Variants in LRCH3 observed in about 807,000 individuals in gnomAD.
LRCH3 encodes the protein leucine rich repeats and calponin homology domain containing 3, also known as DISP complex protein LRCH3.
LRCH3 carries 68 observed loss-of-function variants against 104.5 expected under a neutral mutation model. The observed-to-expected ratio is 0.65, with a 90% confidence interval of 0.54 to 0.80. The LOEUF is 0.80. Among genes scored for constraint, LRCH3 ranks in the 30% least tolerant of loss-of-function variants. The probability of loss-of-function intolerance (pLI) is 0.00; values close to 1 mark genes in which losing one functional copy is unlikely to be tolerated. For synonymous variants in LRCH3, 344 were observed against 361.3 expected, an observed-to-expected ratio of 0.95 and a Z score of 0.54; for missense variants, 951 against 953.9, an observed-to-expected ratio of 1.00 and a Z score of 0.04.
intron 14 of LRCH3, among the ~76,000 whole-genome samples, chr3:197,857,520 C>G (rs905994039): frequency 9.2e-5 from 14 of 151,880 alleles, no homozygotes; most frequent in African/African-American, 3.1e-4. Flanking sequence ...TCTCTTCAGG[C>G]TACCCCTCAA....
chr3:197,825,464 ATTTTTTTTTTTTT>A lies in LRCH3; in HGVS notation c.641-1393_641-1381del, dbSNP rs58237989. On this transcript the variant is annotated intron_variant, in intron 4 of 20. Coordinates refer to ENST00000425562, the MANE Select transcript of LRCH3 (RefSeq NM_001365715.1). Reference sequence around the variant, plus strand: ...TAGACCTCTTTGTTGATCCTCTTTGATTTTTTTTTTTTTTTTTTTTTTTTTTTTTTTTTGAGAC... The same window carrying A: ...TAGACCTCTTTGTTGATCCTCTTTGATTTTTTTTTTTTTTTTTTTTGAGAC... 9.9e-3 allele frequency among the ~76,000 whole-genome samples: 198 copies of A among 20,042 alleles called. 2 individuals are homozygous for A. The highest frequency in any genetic ancestry group is 0.033 in the African/African-American group (179 of 5,406). 13.1% of individuals were successfully genotyped at this position (20,042 alleles called of 152,430 possible). A position where few individuals can be genotyped will look rare whatever the true frequency, so the allele number is the denominator to read the frequency against.
chr3:197,866,342 G>A, intron 17 of LRCH3, 123 bp downstream of exon 17: 1 of 671,558 alleles, frequency 1.5e-6, no homozygotes, highest in East Asian at 2.7e-5. Flanking sequence ...CTCGGCAAAA[G>A]CATGTGTCTG....
intron 20 of LRCH3, chr3:197,881,010 A>G: frequency 8.0e-7 from 1 of 1,255,244 alleles, no homozygotes; most frequent in African/African-American, 1.5e-5. Flanking sequence ...CATTTTTACT[A>G]ATACAATTCT....
intron 8 of LRCH3, among the ~76,000 whole-genome samples, chr3:197,835,073 A>G (rs1243077782): frequency 5.3e-5 from 8 of 152,156 alleles, no homozygotes; most frequent in African/African-American, 1.9e-4. Flanking sequence ...GAACGTGAGA[A>G]GCAGAGGTTG....
At chr3:197,791,708 A>G (rs1730536312) in intron 1 of LRCH3, among the ~76,000 whole-genome samples, 168 bp downstream of exon 1, 5 of 151,816 alleles carry the variant, frequency 3.3e-5, no homozygotes, top group Admixed American at 3.3e-4. Context: ...GGCCTGCGCC[A>G]GACCCAGAGC....
chr3:197,880,060 C>T (rs976157767), intron 20 of LRCH3, among the ~76,000 whole-genome samples: 6 of 151,158 alleles, frequency 4.0e-5, no homozygotes, highest in East Asian at 1.9e-4. Flanking sequence ...ATTCTCCTGC[C>T]TCAGCCTCCC....
intron 1 of LRCH3, among the ~76,000 whole-genome samples, chr3:197,802,407 G>A (rs915709500): frequency 2.6e-5 from 4 of 152,058 alleles, no homozygotes; most frequent in Non-Finnish European, 5.9e-5. Context: ...ATCTAGTGAG[G>A]GCCTTCTTGC....
chr3:197,870,550 G>A (rs188191548), intron 18 of LRCH3, among the ~76,000 whole-genome samples: 14 of 152,218 alleles, frequency 9.2e-5, no homozygotes, highest in Non-Finnish European at 1.9e-4. Context: ...ATTTTTAGTA[G>A]AGAAGGAGTT....
chr3:197,873,518 G>A (rs1283220500), intron 19 of LRCH3, among the ~76,000 whole-genome samples: 4 of 152,146 alleles, frequency 2.6e-5, no homozygotes, highest in African/African-American at 9.7e-5. Context: ...ACAAGCAGGA[G>A]GATCACCTGT....
chr3:197,792,313 T>C (rs1030639992), intron 1 of LRCH3, among the ~76,000 whole-genome samples: 8 of 151,740 alleles, frequency 5.3e-5, no homozygotes, highest in Admixed American at 3.3e-4. Flanking sequence ...TAGTCTAACA[T>C]ATTTGTACTT....
intron 1 of LRCH3, among the ~76,000 whole-genome samples, chr3:197,792,575 TTTTA>T (rs1277236751): frequency 0.029 from 532 of 18,602 alleles, 27 homozygotes; most frequent in Middle Eastern, 0.12. Context: ...GCCCAGCTAA[TTTTA>T]TATATATATA....
Position 197,854,687 on chromosome 3 carries a change from G to A in LRCH3, c.1644+242G>A, listed in dbSNP as rs532938889. Among the ~76,000 whole-genome samples, 239 of 152,290 alleles carry A rather than the reference G, an allele frequency of 1.6e-3. 1 individual carries two copies. Among genetic ancestry groups the A allele is most frequent in the African/African-American group, 5.7e-3 (235 of 41,558 alleles). On this transcript the variant is annotated intron_variant, in intron 14 of 20. Coordinates refer to ENST00000425562, the MANE Select transcript of LRCH3 (RefSeq NM_001365715.1). The surrounding 1 kb of genome is among the most constrained non-coding windows in gnomAD (Gnocchi z 4.5). ...TTGCCTTGAGAACCATATTGGCTTT[G>A]TGTGTGCTGGGAATGGAGGCATAAC...
intron 7 of LRCH3, 118 bp downstream of exon 7, chr3:197,830,981 A>G: frequency 1.2e-6 from 1 of 857,598 alleles, no homozygotes; most frequent in Non-Finnish European, 1.8e-6. Context: ...CAGAAAAGTC[A>G]AGGTGGAGGC....
rs74572471 is a variant in LRCH3 at position 197,886,570 on chromosome 3, T to C, written c.*2904T>C. 0.095 allele frequency: 14,395 copies of C among 152,106 alleles called. 763 individuals are homozygous for C. The highest frequency in any genetic ancestry group is 0.13 in the African/African-American group (5,241 of 41,474). The allele number at this position is 152,106 out of a possible 1,614,324, so 9.4% of individuals were successfully genotyped here. A position where few individuals can be genotyped will look rare whatever the true frequency, so the allele number is the denominator to read the frequency against. On this transcript the variant is annotated 3_prime_UTR_variant, in exon 21 of 21. Coordinates refer to ENST00000425562, the MANE Select transcript of LRCH3 (RefSeq NM_001365715.1). ...AAATTATATGCCACCAGAAATGAAA[T>C]TCAGCAAAGGACAGGATTGTTTTTA...
intron 1 of LRCH3, among the ~76,000 whole-genome samples, chr3:197,794,136 C>T (rs1362575638): frequency 4.6e-5 from 7 of 152,200 alleles, no homozygotes; most frequent in Non-Finnish European, 8.8e-5. Context: ...ATAGCTATCA[C>T]CACTATATAG....
chr3:197,832,022 G>A (rs149667825), intron 7 of LRCH3, among the ~76,000 whole-genome samples, 175 bp from the exon 8 acceptor site: 1,938 of 152,206 alleles, frequency 0.013, 16 homozygotes, highest in Non-Finnish European at 0.021. Context: ...TGAAGCGATC[G>A]TCTCGCCTCA....
intron 12 of LRCH3, among the ~76,000 whole-genome samples, chr3:197,851,446 ATAGT>A (rs1739582436): frequency 6.6e-6 from 1 of 152,240 alleles, no homozygotes; most frequent in South Asian, 2.1e-4. Context: ...GGAAATTGCA[ATAGT>A]TAGACTAGGG....
chr3:197,882,090 G>A (rs924935228), intron 20 of LRCH3: 2 of 985,310 alleles, frequency 2.0e-6, no homozygotes, highest in African/African-American at 3.5e-5. Flanking sequence ...CTCTCATGTG[G>A]TTTAGGGGTT....
rs1378193831 is a variant in LRCH3 at position 197,795,683 on chromosome 3, G to GTT, written c.262+4144_262+4145dup. ...TCTGCTTAAGGTGAGTAAAAAAGTT[G>GTT]TTGTTTTTTTTTTTTTTTTTTTTTT... On this transcript the variant is annotated intron_variant, in intron 1 of 20. Transcript: ENST00000425562. Among the ~76,000 whole-genome samples, 299 of 92,150 alleles carry GTT rather than the reference G, an allele frequency of 3.2e-3. 7 individuals are homozygous for GTT. The highest frequency in any genetic ancestry group is 0.011 in the African/African-American group (249 of 22,204). 60.5% of individuals were successfully genotyped at this position (92,150 alleles called of 152,430 possible).
Sources: allele counts gnomAD v4.1 joint callset (sites outside exome capture counted in the v4.1 genomes callset), GRCh38; gene constraint gnomAD v4.1.1; non-coding constraint Gnocchi (gnomAD v3.1); transcripts MANE v1.5; gene names NCBI Gene and HGNC (gene_info 2026-07-23, HGNC 2026-07-21).